VPS54: variants seen among roughly 807,000 people sequenced by gnomAD.
VPS54 encodes the protein vacuolar protein sorting-associated protein 54.
A neutral mutation model predicts 121.5 loss-of-function variants in VPS54; 45 were observed. The ratio of observed to expected loss-of-function variants is 0.37; its 90% CI spans 0.29 to 0.47. The LOEUF (loss-of-function observed/expected upper bound fraction) is 0.47, where lower values mean the gene tolerates loss of function less well. Among genes scored for constraint, VPS54 ranks in the 20% least tolerant of loss-of-function variants. The probability of loss-of-function intolerance (pLI) is 0.99; values close to 1 mark genes in which losing one functional copy is unlikely to be tolerated. For missense variants in VPS54, 1,090 were observed against 1,131.4 expected (o/e 0.96, Z 0.52); for synonymous variants, 371 against 385.8 (o/e 0.96, Z 0.45).
chr2:63,956,056 C>T (rs1300161024), intron 7 of VPS54, among the ~76,000 whole-genome samples: 1 of 152,084 alleles, frequency 6.6e-6, no homozygotes, highest in Non-Finnish European at 1.5e-5. Context: ...TTAATTCAGA[C>T]CTTCTACTAA....
chr2:63,905,138 T>C (rs1672847983), intron 20 of VPS54, among the ~76,000 whole-genome samples: 1 of 152,014 alleles, frequency 6.6e-6, no homozygotes, highest in African/African-American at 2.4e-5. Context: ...GCTTCTACCT[T>C]GAGAAATTAG....
intron 14 of VPS54, among the ~76,000 whole-genome samples, 170 bp downstream of exon 14, chr2:63,920,276 C>A (rs766396999): frequency 2.4e-4 from 36 of 152,058 alleles, no homozygotes; most frequent in Non-Finnish European, 4.7e-4. Context: ...CATTCTAACT[C>A]CACTTTGAAA....
chr2:63,967,217 T>A (rs1337923533), intron 5 of VPS54, among the ~76,000 whole-genome samples: 2 of 152,152 alleles, frequency 1.3e-5, no homozygotes, highest in Non-Finnish European at 2.9e-5. Context: ...ATACAAAAAT[T>A]AGAATGAATA....
intron 1 of VPS54, among the ~76,000 whole-genome samples, chr2:64,004,650 C>CT (rs1255795661): frequency 1.3e-5 from 2 of 152,184 alleles, no homozygotes; most frequent in Non-Finnish European, 2.9e-5. Flanking sequence ...CTGTGGATTT[C>CT]TTTTACAGTC....
intron 1 of VPS54, among the ~76,000 whole-genome samples, chr2:64,010,753 C>T (rs186310402): frequency 6.6e-6 from 1 of 151,968 alleles, no homozygotes; most frequent in East Asian, 1.9e-4. Context: ...CATATTATTG[C>T]TCACAAAAAT....
At position 63,917,085 on chromosome 2, in the gene VPS54, C is replaced by T. The variant is rs568374025; in HGVS notation, c.2165-122G>A. The stretch of plus-strand genomic sequence containing the variant: ...TCTCATTTCTGAAAATAAACATCTA[C>T]TTCCTGGGAAACTATTTGGCACACA... On this transcript the variant is annotated intron_variant, in intron 15 of 22. Transcript: ENST00000272322. 24 of 934,534 alleles carry T rather than the reference C, an allele frequency of 2.6e-5. No individual in the cohort carries two copies. The East Asian group carries it at 5.5e-4, about 21-fold the overall frequency. The allele number at this position is 934,534 out of a possible 1,614,324, so 57.9% of individuals were successfully genotyped here.
At chr2:64,005,914 T>C (rs971643370) in intron 1 of VPS54, among the ~76,000 whole-genome samples, 2 of 152,078 alleles carry the variant, frequency 1.3e-5, no homozygotes, top group African/African-American at 4.8e-5. Flanking sequence ...TTACAGTAAA[T>C]AGAAGGAAGT....
At chr2:63,937,331 T>C (rs1311944002) in intron 11 of VPS54, among the ~76,000 whole-genome samples, 18 of 151,942 alleles carry the variant, frequency 1.2e-4, no homozygotes, top group Admixed American at 1.1e-3. Flanking sequence ...CATTAAATAA[T>C]AGGCAAATAA....
intron 1 of VPS54, among the ~76,000 whole-genome samples, chr2:63,990,461 C>CA (rs1175558471): frequency 6.6e-6 from 1 of 152,140 alleles, no homozygotes; most frequent in Non-Finnish European, 1.5e-5. Context: ...TTCAGCCCCT[C>CA]ACTCTCCTGT....
At chr2:63,929,844 C>T (rs556468704) in intron 12 of VPS54, among the ~76,000 whole-genome samples, 2 of 152,166 alleles carry the variant, frequency 1.3e-5, no homozygotes, top group East Asian at 3.9e-4. Context: ...ACCACCAACC[C>T]CACAGAAATA....
intron 20 of VPS54, among the ~76,000 whole-genome samples, chr2:63,910,348 T>C (rs576313419): frequency 2.6e-5 from 4 of 152,280 alleles, no homozygotes; most frequent in East Asian, 3.9e-4. Context: ...AACGGGTCAA[T>C]GATATATATT....
intron 8 of VPS54, among the ~76,000 whole-genome samples, chr2:63,948,389 CCATAT>C (rs1389473628): frequency 6.7e-6 from 1 of 149,966 alleles, no homozygotes; most frequent in Non-Finnish European, 1.5e-5. Flanking sequence ...CGGGTAATTA[CCATAT>C]GATAATGATC....
intron 12 of VPS54, among the ~76,000 whole-genome samples, chr2:63,930,142 A>C (rs1674119479): frequency 6.6e-6 from 1 of 152,200 alleles, no homozygotes; most frequent in South Asian, 2.1e-4. Context: ...AAAAAGAGGG[A>C]ATCCACCCTA....
chr2:63,975,964 C>G (rs1676507938), intron 3 of VPS54, among the ~76,000 whole-genome samples: 1 of 152,194 alleles, frequency 6.6e-6, no homozygotes, highest in Non-Finnish European at 1.5e-5. Context: ...AGGCTGGTCT[C>G]AAGTCCTGGC....
At chr2:64,001,209 T>C (rs1160237212) in intron 1 of VPS54, among the ~76,000 whole-genome samples, 2 of 152,096 alleles carry the variant, frequency 1.3e-5, no homozygotes, top group South Asian at 2.1e-4. Flanking sequence ...GTTCACAAGA[T>C]ACAAGGGCTC....
At chr2:63,989,595 C>A (rs1011807316) in intron 1 of VPS54, among the ~76,000 whole-genome samples, 6 of 152,190 alleles carry the variant, frequency 3.9e-5, no homozygotes, top group Non-Finnish European at 8.8e-5. Flanking sequence ...CACGTGGGAA[C>A]CCGATTCCCT....
intron 1 of VPS54, among the ~76,000 whole-genome samples, chr2:63,994,044 C>T (rs912696401): frequency 3.3e-5 from 5 of 152,136 alleles, no homozygotes; most frequent in Admixed American, 1.3e-4. Flanking sequence ...AGGGAAAAGA[C>T]GTCCGCGTCA....
intron 6 of VPS54, among the ~76,000 whole-genome samples, chr2:63,965,230 A>T (rs576352401): frequency 5.1e-4 from 78 of 152,204 alleles, no homozygotes; most frequent in Non-Finnish European, 9.7e-4. Context: ...TAATCTCAGC[A>T]CTTTGGGAGG....
chr2:63,919,450 T>C (rs1012526366), intron 15 of VPS54, among the ~76,000 whole-genome samples: 2 of 152,146 alleles, frequency 1.3e-5, no homozygotes, highest in Admixed American at 1.3e-4. Flanking sequence ...AGAAGCTAAC[T>C]AGCGCTTACT....
Sources: allele counts gnomAD v4.1 joint callset (sites outside exome capture counted in the v4.1 genomes callset), GRCh38; gene constraint gnomAD v4.1.1; transcripts MANE v1.5; gene names NCBI Gene and HGNC (gene_info 2026-07-23, HGNC 2026-07-21).